MCUB: variants seen among roughly 807,000 people sequenced by gnomAD.
MCUB encodes mitochondrial calcium uniporter dominant negative subunit beta.
Under a neutral mutation model 41.4 loss-of-function variants are expected in MCUB, and 46 were observed. The ratio of observed to expected loss-of-function variants is 1.11; its 90% CI spans 0.88 to 1.42. The LOEUF is 1.42. Among genes scored for constraint, MCUB ranks in the 40% most tolerant of loss-of-function variants. The pLI, the probability that MCUB is intolerant of heterozygous loss-of-function variation, is 0.00. For synonymous variants in MCUB, 148 were observed against 148.2 expected (o/e 1.00, Z 0.01); for missense variants, 403 against 404.9 (o/e 1.00, Z 0.04).
intron 1 of MCUB, among the ~76,000 whole-genome samples, chr4:109,589,265 A>G (rs1727378495): frequency 6.6e-6 from 1 of 152,200 alleles, no homozygotes; most frequent in African/African-American, 2.4e-5. Context: ...GGATGTTCCC[A>G]GAGAACCCTG....
chr4:109,573,640 G>A (rs1408399789), intron 1 of MCUB, among the ~76,000 whole-genome samples: 2 of 152,058 alleles, frequency 1.3e-5, no homozygotes, highest in African/African-American at 2.4e-5. Flanking sequence ...AAGCTAGTAT[G>A]GCTCCTAACT....
At chr4:109,659,627 A>C (rs554168766) in intron 2 of MCUB, among the ~76,000 whole-genome samples, 1 of 152,280 alleles carries the variant, frequency 6.6e-6, no homozygotes, top group South Asian at 2.1e-4. Context: ...TCCTCAAGAA[A>C]ACTAGAACTT....
intron 6 of MCUB, chr4:109,684,953 G>T (rs1361608934): frequency 1.3e-5 from 5 of 387,784 alleles, no homozygotes; most frequent in South Asian, 5.9e-5. Flanking sequence ...AGTAACATCA[G>T]CTTTGCCTCA....
Position 109,676,683 on chromosome 4 carries a change from G to A in MCUB, c.452-5899G>A, listed in dbSNP as rs1729583946. Reference sequence around the variant, plus strand: ...TTTCTGTCTTAATCTGTTTTCTGCTGCAATAGCAGAATAGCACAAGACTGG... The same window carrying A: ...TTTCTGTCTTAATCTGTTTTCTGCTACAATAGCAGAATAGCACAAGACTGG... On this transcript the variant is annotated intron_variant, in intron 4 of 7. Coordinates refer to ENST00000394650, the MANE Select transcript of MCUB (RefSeq NM_017918.5). 2.6e-5 allele frequency among the ~76,000 whole-genome samples: 4 copies of A among 152,198 alleles called. No individual in the cohort carries two copies. The South Asian group carries it at 8.3e-4, about 32-fold the overall frequency.
At chr4:109,648,238 G>A (rs1728880401) in intron 1 of MCUB, among the ~76,000 whole-genome samples, 1 of 151,956 alleles carries the variant, frequency 6.6e-6, no homozygotes, top group African/African-American at 2.4e-5. Flanking sequence ...GAGAGAAGGA[G>A]GAAAATGCAT....
At chr4:109,561,381 C>T (rs1726632572) in intron 1 of MCUB, among the ~76,000 whole-genome samples, 1 of 152,086 alleles carries the variant, frequency 6.6e-6, no homozygotes, top group African/African-American at 2.4e-5. Flanking sequence ...TTTTTCCTTC[C>T]CCCCCTTTTC....
At chr4:109,627,806 G>A (rs1045071965) in intron 1 of MCUB, among the ~76,000 whole-genome samples, 12 of 151,904 alleles carry the variant, frequency 7.9e-5, no homozygotes, top group Non-Finnish European at 5.9e-5. Context: ...CCAGTTACTC[G>A]GGAAACTGAG....
At chr4:109,675,681 G>A (rs1290550286) in intron 4 of MCUB, among the ~76,000 whole-genome samples, 1 of 152,236 alleles carries the variant, frequency 6.6e-6, no homozygotes, top group Non-Finnish European at 1.5e-5. Flanking sequence ...GTTGGGATGT[G>A]AGGCGTATTG....
intron 1 of MCUB, among the ~76,000 whole-genome samples, chr4:109,570,221 C>A (rs534586181): frequency 1.2e-4 from 18 of 152,300 alleles, no homozygotes; most frequent in Admixed American, 1.2e-3. Context: ...ATGTATTGAG[C>A]TTACCACCAT....
At position 109,685,256 on chromosome 4, in the gene MCUB, T is replaced by A; in HGVS notation, c.822T>A (p.Tyr274Ter). The A allele has an allele frequency of 7.6e-7, 1 of 1,310,674 alleles. No homozygotes were observed. The highest frequency in any genetic ancestry group is 1.1e-6 in the Non-Finnish European group (1 of 907,200). The allele number at this position is 1,310,674 out of a possible 1,614,324, so 81.2% of individuals were successfully genotyped here. The change falls in exon 7 of 8, where the codon TAT becomes TAA. Residue 274 changes from tyrosine (Y) to a stop codon, truncating the protein, a stop_gained. Coordinates refer to ENST00000394650, the MANE Select transcript of MCUB (RefSeq NM_017918.5). LOFTEE classifies it high-confidence loss of function. ...FAYFIVTRQD[Y>*]TYSAVKSRQF... ...TCTCTCTCTTTTTTTTTAAGGATTA[T>A]ACTTACTCAGCTGTTAAGAGTAGGC...
At chr4:109,561,246 C>G (rs1726622340) in intron 1 of MCUB, among the ~76,000 whole-genome samples, 1 of 152,176 alleles carries the variant, frequency 6.6e-6, no homozygotes, top group Non-Finnish European at 1.5e-5. Flanking sequence ...GGAGCTGTTT[C>G]TGAGTTTTCG....
At chr4:109,687,013 CTG>C (rs150698371) in intron 7 of MCUB, among the ~76,000 whole-genome samples, 5,869 of 151,546 alleles carry the variant, frequency 0.039, 400 homozygotes, top group African/African-American at 0.14. Context: ...AGGGTATAAA[CTG>C]TATTTTTTTT....
intron 1 of MCUB, among the ~76,000 whole-genome samples, chr4:109,611,660 A>T (rs998330534): frequency 6.6e-6 from 1 of 152,182 alleles, no homozygotes; most frequent in African/African-American, 2.4e-5. Flanking sequence ...CAAAATTAGG[A>T]CCAAACCTCA....
intron 1 of MCUB, among the ~76,000 whole-genome samples, chr4:109,627,057 A>G (rs1193197453): frequency 4.6e-5 from 7 of 152,222 alleles, no homozygotes; most frequent in Non-Finnish European, 1.0e-4. Context: ...TGCTAATGTC[A>G]TATGTTGAAT....
At chr4:109,654,484 G>A (rs920830766) in intron 1 of MCUB, among the ~76,000 whole-genome samples, 4 of 152,038 alleles carry the variant, frequency 2.6e-5, no homozygotes, top group South Asian at 2.1e-4. Flanking sequence ...CGTGGTGGGC[G>A]CCTGTAATCC....
intron 1 of MCUB, among the ~76,000 whole-genome samples, chr4:109,588,301 T>C (rs936004496): frequency 6.6e-6 from 1 of 152,250 alleles, no homozygotes; most frequent in Non-Finnish European, 1.5e-5. Context: ...TTGCAACCAA[T>C]GGATGTGTTT....
intron 1 of MCUB, among the ~76,000 whole-genome samples, chr4:109,629,136 T>G (rs1484155662): frequency 6.6e-6 from 1 of 152,186 alleles, no homozygotes; most frequent in Non-Finnish European, 1.5e-5. Flanking sequence ...TTTTTCTAAT[T>G]TTTTATTTTT....
At chr4:109,642,088 A>G (rs981942952) in intron 1 of MCUB, among the ~76,000 whole-genome samples, 5 of 152,188 alleles carry the variant, frequency 3.3e-5, no homozygotes, top group African/African-American at 1.2e-4. Context: ...CTGTGACTGC[A>G]TTTTTGGAGT....
chr4:109,613,890 T>C (rs1287873658), intron 1 of MCUB, among the ~76,000 whole-genome samples: 1 of 152,182 alleles, frequency 6.6e-6, no homozygotes, highest in Non-Finnish European at 1.5e-5. Flanking sequence ...GGCAAAACTG[T>C]GGTATAATAT....
Sources: gnomAD v4.1 joint callset for allele counts (sites outside exome capture counted in the v4.1 genomes callset) on GRCh38, gnomAD v4.1.1 for gene constraint, MANE v1.5 for transcripts, NCBI Gene and HGNC (gene_info 2026-07-23, HGNC 2026-07-21) for gene names.